CNOT6L: variants seen among roughly 807,000 people sequenced by gnomAD.
The protein encoded by CNOT6L is CCR4-NOT transcription complex subunit 6 like.
In CNOT6L, 7 loss-of-function variants were observed where a neutral mutation model predicts 64.0. That is an observed-to-expected ratio of 0.11 (90% confidence interval 0.06 to 0.21). The LOEUF is 0.21. CNOT6L is among the 10% of genes least tolerant of loss of function. The pLI, the probability that CNOT6L is intolerant of heterozygous loss-of-function variation, is 1.00. For synonymous variants in CNOT6L, 193 were observed against 243.4 expected, an observed-to-expected ratio of 0.79 and a Z score of 1.93; for missense variants, 245 against 669.0, an observed-to-expected ratio of 0.37 and a Z score of 6.99.
intron 8 of CNOT6L, among the ~76,000 whole-genome samples, chr4:77,736,553 T>A (rs1722965972): frequency 6.6e-6 from 1 of 152,122 alleles, no homozygotes; most frequent in African/African-American, 2.4e-5. Flanking sequence ...TTTCACAGAT[T>A]TCCATACAGG....
intron 9 of CNOT6L, 105 bp from the exon 10 acceptor site, chr4:77,729,186 T>C (rs1722175073): frequency 7.7e-6 from 6 of 775,626 alleles, no homozygotes; most frequent in Non-Finnish European, 1.3e-5. Context: ...TTCTTTACTC[T>C]TTTCCATGAA....
At chr4:77,805,952 C>A (rs1413800162) in intron 1 of CNOT6L, among the ~76,000 whole-genome samples, 1 of 152,166 alleles carries the variant, frequency 6.6e-6, no homozygotes, top group African/African-American at 2.4e-5. Context: ...ATTTAACCAA[C>A]ATAAAATACA....
At chr4:77,766,597 TC>T (rs1726848736) in intron 4 of CNOT6L, among the ~76,000 whole-genome samples, 1 of 151,638 alleles carries the variant, frequency 6.6e-6, no homozygotes. Flanking sequence ...CATGTAAAAC[TC>T]CAAAAAATTT....
At chr4:77,760,064 C>T (rs1726007568) in intron 4 of CNOT6L, among the ~76,000 whole-genome samples, 1 of 152,062 alleles carries the variant, frequency 6.6e-6, no homozygotes, top group South Asian at 2.1e-4. Flanking sequence ...AAGGATGTCA[C>T]CAGGAGATTT....
chr4:77,743,999 T>C (rs1001193217), intron 7 of CNOT6L, among the ~76,000 whole-genome samples: 2 of 152,298 alleles, frequency 1.3e-5, no homozygotes, highest in Non-Finnish European at 1.5e-5. Flanking sequence ...AAAAAATATA[T>C]ATGTATCAAA....
At chr4:77,730,490 G>A (rs1476083117) in intron 9 of CNOT6L, among the ~76,000 whole-genome samples, 1 of 151,762 alleles carries the variant, frequency 6.6e-6, no homozygotes, top group Non-Finnish European at 1.5e-5. Flanking sequence ...TAAAAGAGGA[G>A]TAAAACTCCA....
At chr4:77,805,054 T>A (rs1359531797) in intron 1 of CNOT6L, among the ~76,000 whole-genome samples, 1 of 152,046 alleles carries the variant, frequency 6.6e-6, no homozygotes, top group Non-Finnish European at 1.5e-5. Flanking sequence ...AACCCATGTA[T>A]ATAGAGGGCC....
chr4:77,735,866 T>C (rs114129049), intron 8 of CNOT6L, among the ~76,000 whole-genome samples: 1 of 152,360 alleles, frequency 6.6e-6, no homozygotes, highest in Non-Finnish European at 1.5e-5. Context: ...TTCTTAGTAA[T>C]GATCATAGGT....
At chr4:77,793,396 G>A (rs145873508) in intron 1 of CNOT6L, among the ~76,000 whole-genome samples, 261 of 152,266 alleles carry the variant, frequency 1.7e-3, no homozygotes, top group Non-Finnish European at 3.2e-3. Flanking sequence ...TGTTTTACGC[G>A]TCAGTAATCA....
intron 1 of CNOT6L, chr4:77,819,011 G>A (rs1266251453): frequency 7.5e-6 from 5 of 665,360 alleles, no homozygotes; most frequent in Admixed American, 2.1e-5. Context: ...AAGCGGGAGG[G>A]ACACGCCACT....
chr4:77,792,815 A>C (rs1730324025), intron 1 of CNOT6L, among the ~76,000 whole-genome samples: 1 of 151,804 alleles, frequency 6.6e-6, no homozygotes, highest in Admixed American at 6.6e-5. Context: ...AACAAATCAC[A>C]GTTTTCTATG....
intron 7 of CNOT6L, among the ~76,000 whole-genome samples, chr4:77,743,967 A>G (rs1166530932): frequency 6.6e-6 from 1 of 152,204 alleles, no homozygotes; most frequent in Non-Finnish European, 1.5e-5. Context: ...GAATATGTTA[A>G]TTAGCCTCAT....
At chr4:77,756,482 A>G (rs1333060179) in intron 5 of CNOT6L, among the ~76,000 whole-genome samples, 1 of 152,232 alleles carries the variant, frequency 6.6e-6, no homozygotes, top group African/African-American at 2.4e-5. Context: ...ATCAAATGCA[A>G]ACAACTAATA....
chr4:77,767,148 A>G (rs192770073), intron 4 of CNOT6L, among the ~76,000 whole-genome samples: 186 of 151,782 alleles, frequency 1.2e-3, no homozygotes, highest in African/African-American at 4.3e-3. Context: ...CCTAGAAATA[A>G]GTCTAACAGA....
chr4:77,781,391 G>A (rs916927838), intron 1 of CNOT6L, among the ~76,000 whole-genome samples: 1 of 151,984 alleles, frequency 6.6e-6, no homozygotes, highest in Non-Finnish European at 1.5e-5. Flanking sequence ...GTATTTTAGG[G>A]GGTTTTTGTA....
intron 8 of CNOT6L, among the ~76,000 whole-genome samples, chr4:77,740,057 G>C (rs1723405839): frequency 6.6e-6 from 1 of 151,956 alleles, no homozygotes; most frequent in Non-Finnish European, 1.5e-5. Flanking sequence ...TGTTTCAAGG[G>C]GATTTGTGTA....
Position 77,797,113 on chromosome 4 carries a change from A to AAAAC in CNOT6L, c.6-20722_6-20721insGTTT, listed in dbSNP as rs1730941079. Among the ~76,000 whole-genome samples, 3 of 150,636 alleles carry AAAAC rather than the reference A, an allele frequency of 2.0e-5. 1 individual carries two copies. Among genetic ancestry groups the AAAAC allele is most frequent in the Admixed American group, 2.0e-4 (3 of 15,126 alleles). On this transcript the variant is annotated intron_variant, in intron 1 of 11. Transcript: ENST00000504123. ...GGAAGACCTTGTCTCAAAAAAAAAA[A>AAAAC]AAAAAAAAAAAAACTGCCAAGGATA...
At chr4:77,819,207 C>A in intron 1 of CNOT6L, 97 bp downstream of exon 1, 1 of 1,610,540 alleles carries the variant, frequency 6.2e-7, no homozygotes. Context: ...CTCGCACACC[C>A]ACACGCACAT....
intron 5 of CNOT6L, among the ~76,000 whole-genome samples, chr4:77,754,677 G>T (rs1383506884): frequency 6.6e-6 from 1 of 151,808 alleles, no homozygotes; most frequent in East Asian, 1.9e-4. Context: ...TTATAAAGCT[G>T]TCCATAATTA....
Sources: allele counts gnomAD v4.1 joint callset (sites outside exome capture counted in the v4.1 genomes callset), GRCh38; gene constraint gnomAD v4.1.1; transcripts MANE v1.5; gene names NCBI Gene and HGNC (gene_info 2026-07-23, HGNC 2026-07-21).